Variants in AP1AR observed in about 807,000 individuals in gnomAD.
The protein encoded by AP1AR is AP-1 complex-associated regulatory protein.
AP1AR carries 29 observed loss-of-function variants against 46.3 expected under a neutral mutation model. The ratio of observed to expected loss-of-function variants is 0.63; its 90% CI spans 0.47 to 0.85. The LOEUF (loss-of-function observed/expected upper bound fraction) is 0.85. AP1AR is among the 40% of genes least tolerant of loss of function. The pLI, the probability that AP1AR is intolerant of heterozygous loss-of-function variation, is 0.00. For synonymous variants in AP1AR, 122 were observed against 122.9 expected (o/e 0.99, Z 0.05); for missense variants, 357 against 356.3 (o/e 1.00, Z -0.02).
In AP1AR at chr4:112,270,469, T is replaced by G. The variant is rs1210019794; in HGVS notation, c.*2060T>G. On this transcript the variant is annotated 3_prime_UTR_variant, in exon 10 of 10. Transcript: ENST00000274000. ...GGAGAGAGAGTAACTGGGGGCCAAT[T>G]GACTACTTCTCATAGGTCAGGACAA... Among the ~76,000 whole-genome samples, 1 of 152,170 alleles carries G rather than the reference T, an allele frequency of 6.6e-6. No individual in the cohort carries two copies. The highest frequency in any genetic ancestry group is 1.9e-4 in the East Asian group (1 of 5,198).
chr4:112,235,535 TC>T (rs1725200786), intron 1 of AP1AR, among the ~76,000 whole-genome samples: 1 of 152,214 alleles, frequency 6.6e-6, no homozygotes, highest in African/African-American at 2.4e-5. Flanking sequence ...TTCCGTTACT[TC>T]CTATGTGCCA....
chr4:112,240,377 G>T (rs1725439665), intron 1 of AP1AR, among the ~76,000 whole-genome samples: 1 of 152,068 alleles, frequency 6.6e-6, no homozygotes, highest in Non-Finnish European at 1.5e-5. Context: ...CATCATCATG[G>T]AACCATCTGC....
intron 1 of AP1AR, among the ~76,000 whole-genome samples, chr4:112,232,463 G>A (rs935560836): frequency 2.0e-5 from 3 of 152,190 alleles, no homozygotes; most frequent in African/African-American, 7.2e-5. Flanking sequence ...GAAACAAGGG[G>A]TAGCTTCGCG....
intron 1 of AP1AR, among the ~76,000 whole-genome samples, chr4:112,251,356 T>G (rs1725954607): frequency 6.6e-6 from 1 of 152,212 alleles, no homozygotes; most frequent in Non-Finnish European, 1.5e-5. Flanking sequence ...ACTACTAAAG[T>G]TAGTTTGTAT....
intron 5 of AP1AR, among the ~76,000 whole-genome samples, chr4:112,261,892 C>T (rs1726459321): frequency 6.6e-6 from 1 of 151,460 alleles, no homozygotes; most frequent in Non-Finnish European, 1.5e-5. Flanking sequence ...ATTTTGAGCC[C>T]AGGATCCTCA....
chr4:112,251,168 C>T (rs952273257), intron 1 of AP1AR, among the ~76,000 whole-genome samples: 5 of 152,168 alleles, frequency 3.3e-5, no homozygotes, highest in African/African-American at 1.2e-4. Context: ...TCTCTCCCTG[C>T]TCAGTTTCTG....
Position 112,263,083 on chromosome 4 carries a change from G to A in AP1AR, c.378G>A (p.Leu126=). ...GGGCAGCAAAGCAGCGAAAGCTCTT[G>A]GAGGTGAGGGGAAAAGACCCCAGCA... is the stretch of plus-strand genomic sequence containing the variant. ...AARAAKQRKL[L]EQERQRIVQQ... The change falls in exon 6 of 10, where the codon TTG becomes TTA. Residue 126 remains leucine (L), a synonymous_variant. Transcript: ENST00000274000. 1 of 1,612,296 alleles carries A rather than the reference G, an allele frequency of 6.2e-7. No homozygotes were observed. Among genetic ancestry groups the A allele is most frequent in the Middle Eastern group, 1.7e-4 (1 of 6,058 alleles).
At chr4:112,261,891 C>T (rs2110489655) in intron 5 of AP1AR, among the ~76,000 whole-genome samples, 1 of 150,664 alleles carries the variant, frequency 6.6e-6, no homozygotes, top group Non-Finnish European at 1.5e-5. Flanking sequence ...GATTTTGAGC[C>T]CAGGATCCTC....
chr4:112,259,134 C>T (rs1484176731), intron 4 of AP1AR, among the ~76,000 whole-genome samples: 1 of 152,172 alleles, frequency 6.6e-6, no homozygotes, highest in Admixed American at 6.5e-5. Context: ...GAATGGTTAA[C>T]ACTGTCCCAT....
At chr4:112,266,463 T>C (rs1726711167) in intron 8 of AP1AR, 125 bp from the exon 9 acceptor site, 1 of 974,642 alleles carries the variant, frequency 1.0e-6, no homozygotes, top group Non-Finnish European at 1.5e-6. Context: ...TTTCCAGAAT[T>C]ATTTCTTATG....
In AP1AR at chr4:112,271,696, A is replaced by G. The variant is rs746631476; in HGVS notation, c.*3287A>G. Among the ~76,000 whole-genome samples, 4 of 152,140 alleles carry G rather than the reference A, an allele frequency of 2.6e-5. No homozygotes were observed. Among genetic ancestry groups the G allele is most frequent in the Non-Finnish European group, 4.4e-5 (3 of 68,024 alleles). ...CAGGTTTGGGAAAGTGGGGAAAATG[A>G]AAGAGTTCTATTTGAAAAGTTAACT... On this transcript the variant is annotated 3_prime_UTR_variant, in exon 10 of 10. Coordinates refer to ENST00000274000, the MANE Select transcript of AP1AR (RefSeq NM_018569.6).
intron 2 of AP1AR, 188 bp downstream of exon 2, chr4:112,253,444 A>G (rs1327139897): frequency 1.8e-6 from 1 of 560,380 alleles, no homozygotes; most frequent in Non-Finnish European, 3.1e-6. Flanking sequence ...AGAAGTTTGC[A>G]GAGGATTATG....
At chr4:112,239,167 C>G (rs377540741) in intron 1 of AP1AR, among the ~76,000 whole-genome samples, 1 of 152,156 alleles carries the variant, frequency 6.6e-6, no homozygotes, top group East Asian at 1.9e-4. Flanking sequence ...TTGTGTCTCC[C>G]TAATCTGAAA....
intron 1 of AP1AR, among the ~76,000 whole-genome samples, chr4:112,241,613 C>T (rs116650360): frequency 6.6e-5 from 10 of 152,308 alleles, no homozygotes; most frequent in East Asian, 1.9e-4. Flanking sequence ...AATTCAAATG[C>T]GAGTCTGTTC....
rs141219609 is a variant in AP1AR, at chr4:112,251,124, C to G, written c.84-2084C>G. On this transcript the variant is annotated intron_variant, in intron 1 of 9. Coordinates refer to ENST00000274000, the MANE Select transcript of AP1AR (RefSeq NM_018569.6). ...TGCGCATTGTCAGAAAGCATAATCC[C>G]CAGCAACTCTCTAGAGCTCTCAGAA... Among the ~76,000 whole-genome samples, 466 of 152,234 alleles carry G rather than the reference C, an allele frequency of 3.1e-3. 1 individual carries two copies. Among genetic ancestry groups the G allele is most frequent in the African/African-American group, 0.01 (434 of 41,538 alleles).
intron 1 of AP1AR, among the ~76,000 whole-genome samples, chr4:112,249,625 C>G (rs990634355): frequency 2.0e-5 from 3 of 151,932 alleles, no homozygotes; most frequent in Admixed American, 6.6e-5. Flanking sequence ...CCACTGCACT[C>G]CAGCCTGGGT....
At position 112,272,273 on chromosome 4, in the gene AP1AR, G is replaced by A. The variant is rs1726985831; in HGVS notation, c.*3864G>A. 6.6e-6 allele frequency among the ~76,000 whole-genome samples: 1 copy of A among 152,162 alleles called. No individual in the cohort carries two copies. Among genetic ancestry groups the A allele is most frequent in the African/African-American group, 2.4e-5 (1 of 41,424 alleles). On this transcript the variant is annotated 3_prime_UTR_variant, in exon 10 of 10. Transcript: ENST00000274000. Reference sequence around the variant, plus strand: ...CAGGACAGCGCCACAAAGACTGTGAGGGCTGGTGACAGGGAAGGGAAAATC... The same window carrying A: ...CAGGACAGCGCCACAAAGACTGTGAAGGCTGGTGACAGGGAAGGGAAAATC...
chr4:112,251,163 C>T (rs1219594807), intron 1 of AP1AR, among the ~76,000 whole-genome samples: 4 of 152,166 alleles, frequency 2.6e-5, no homozygotes, highest in Non-Finnish European at 5.9e-5. Flanking sequence ...TATTGTCTCT[C>T]CCTGCTCAGT....
At chr4:112,267,153 G>A (rs555664201) in intron 9 of AP1AR, among the ~76,000 whole-genome samples, 1 of 151,816 alleles carries the variant, frequency 6.6e-6, no homozygotes, top group Non-Finnish European at 1.5e-5. Flanking sequence ...GTTTTACTGG[G>A]TTGAGTCTTT....
Sources: allele counts gnomAD v4.1 joint callset (sites outside exome capture counted in the v4.1 genomes callset), GRCh38; gene constraint gnomAD v4.1.1; transcripts MANE v1.5; gene names NCBI Gene and HGNC (gene_info 2026-07-23, HGNC 2026-07-21).